The following GABRG3 variants were observed in gnomAD, a reference collection of about 807,000 sequenced individuals.
The protein encoded by GABRG3 is gamma-aminobutyric acid type A receptor subunit gamma3, also known as gamma-aminobutyric acid receptor subunit gamma-3.
A neutral mutation model predicts 48.8 loss-of-function variants in GABRG3; 25 were observed. That is an observed-to-expected ratio of 0.51 (90% CI 0.37 to 0.72). The LOEUF (loss-of-function observed/expected upper bound fraction) is 0.72. GABRG3 is among the 30% of genes least tolerant of loss of function. GABRG3 has a pLI of 0.00. For synonymous variants in GABRG3, 227 were observed against 217.6 expected (o/e 1.04, Z -0.38); for missense variants, 394 against 577.9 (o/e 0.68, Z 3.26).
intron 3 of GABRG3, among the ~76,000 whole-genome samples, chr15:27,293,862 A>T (rs1891885722): frequency 6.6e-6 from 1 of 152,226 alleles, no homozygotes; most frequent in Non-Finnish European, 1.5e-5. Context: ...AGTGATCTAA[A>T]CAGACAGGAA....
intron 3 of GABRG3, among the ~76,000 whole-genome samples, chr15:27,084,499 G>A (rs1462236371): frequency 6.6e-6 from 1 of 152,186 alleles, no homozygotes; most frequent in Non-Finnish European, 1.5e-5. Context: ...AGACAAATAA[G>A]CAAACACTGA....
chr15:27,519,560 G>C (rs937589766), intron 6 of GABRG3, among the ~76,000 whole-genome samples: 1 of 152,174 alleles, frequency 6.6e-6, no homozygotes, highest in African/African-American at 2.4e-5. Context: ...AGATATGATA[G>C]CTTTGTTGTC....
rs752744593 is a variant in GABRG3 at position 27,209,673 on chromosome 15, AG to A, written c.271-117134del. Reference sequence around the variant, plus strand: ...TCTTATACAGGGCAGCTGTCTCTGGAGGCCACCAGAGCGAGGCCACAGGAAC... The same window carrying A: ...TCTTATACAGGGCAGCTGTCTCTGGAGCCACCAGAGCGAGGCCACAGGAAC... On this transcript the variant is annotated intron_variant, in intron 3 of 9. Transcript: ENST00000615808. Among the ~76,000 whole-genome samples, 140 of 152,276 alleles carry A rather than the reference AG, an allele frequency of 9.2e-4. 1 individual carries two copies. Among genetic ancestry groups the A allele is most frequent in the Non-Finnish European group, 1.2e-3 (82 of 68,004 alleles).
At chr15:27,353,632 T>G (rs912026991) in intron 5 of GABRG3, among the ~76,000 whole-genome samples, 1 of 151,836 alleles carries the variant, frequency 6.6e-6, no homozygotes, top group Non-Finnish European at 1.5e-5. Context: ...TTATTAGAGA[T>G]AGGGTTTTGC....
At chr15:27,141,707 T>C (rs1372230155) in intron 3 of GABRG3, among the ~76,000 whole-genome samples, 2 of 152,176 alleles carry the variant, frequency 1.3e-5, no homozygotes, top group East Asian at 1.9e-4. Flanking sequence ...AAAAAATATG[T>C]CTCTCTGATC....
At chr15:27,300,694 A>C (rs1170286277) in intron 3 of GABRG3, among the ~76,000 whole-genome samples, 3 of 137,580 alleles carry the variant, frequency 2.2e-5, no homozygotes, top group Admixed American at 1.4e-4. Context: ...AAAAAAAAAA[A>C]AAACACCTGG....
intron 3 of GABRG3, among the ~76,000 whole-genome samples, chr15:27,231,533 T>G (rs561854498): frequency 6.6e-6 from 1 of 152,310 alleles, no homozygotes; most frequent in Non-Finnish European, 1.5e-5. Flanking sequence ...TGTCAATTTC[T>G]GAATGTCATT....
intron 5 of GABRG3, among the ~76,000 whole-genome samples, chr15:27,446,770 C>G (rs1052067695): frequency 1.3e-5 from 2 of 152,174 alleles, no homozygotes; most frequent in African/African-American, 4.8e-5. Context: ...ATGGATGACT[C>G]TTTTAGAGAC....
At chr15:27,382,147 A>C (rs1053002037) in intron 5 of GABRG3, among the ~76,000 whole-genome samples, 7 of 152,196 alleles carry the variant, frequency 4.6e-5, no homozygotes, top group Non-Finnish European at 8.8e-5. Context: ...TTCACTTCAA[A>C]TTTATTGAGT....
At chr15:27,521,381 A>G (rs1251867616) in intron 7 of GABRG3, among the ~76,000 whole-genome samples, 1 of 152,172 alleles carries the variant, frequency 6.6e-6, no homozygotes, top group Non-Finnish European at 1.5e-5. Context: ...ATCAAGGAGA[A>G]CCATCAGTAA....
intron 5 of GABRG3, among the ~76,000 whole-genome samples, chr15:27,460,442 G>A (rs765091107): frequency 2.0e-5 from 3 of 152,148 alleles, no homozygotes; most frequent in Non-Finnish European, 2.9e-5. Context: ...AGGGCGCCCC[G>A]CAAGGAGAAC....
chr15:27,340,941 A>G, intron 5 of GABRG3: 1 of 492,778 alleles, frequency 2.0e-6, no homozygotes, highest in Non-Finnish European at 4.0e-6. Flanking sequence ...TTTTAAGAAC[A>G]GAGATTCAAT....
chr15:27,506,643 T>G (rs1458114622), intron 6 of GABRG3, among the ~76,000 whole-genome samples: 1 of 152,214 alleles, frequency 6.6e-6, no homozygotes, highest in Admixed American at 6.5e-5. Context: ...GAGAATGCAG[T>G]AATATCATGC....
At chr15:27,510,297 G>A (rs368300555) in intron 6 of GABRG3, among the ~76,000 whole-genome samples, 1 of 149,446 alleles carries the variant, frequency 6.7e-6, no homozygotes, top group South Asian at 2.1e-4. Flanking sequence ...CTTCCCAAGT[G>A]TTCCTGTGCC....
chr15:27,380,117 A>G (rs1007758155), intron 5 of GABRG3, among the ~76,000 whole-genome samples: 2 of 151,726 alleles, frequency 1.3e-5, no homozygotes, highest in South Asian at 2.1e-4. Flanking sequence ...GAAAATTTCT[A>G]TTGACATTTC....
At chr15:27,063,920 C>T (rs1595501729) in intron 3 of GABRG3, among the ~76,000 whole-genome samples, 2 of 152,190 alleles carry the variant, frequency 1.3e-5, no homozygotes, top group African/African-American at 4.8e-5. Flanking sequence ...TGCCTCCTTT[C>T]CTGACATGGG....
chr15:27,263,666 A>G (rs1890829739), intron 3 of GABRG3, among the ~76,000 whole-genome samples: 1 of 152,200 alleles, frequency 6.6e-6, no homozygotes, highest in African/African-American at 2.4e-5. Flanking sequence ...GTATTCAGTT[A>G]TGATTTCTTA....
chr15:27,447,175 A>G lies in GABRG3; in HGVS notation c.575-33475A>G, dbSNP rs1241388702. Among the ~76,000 whole-genome samples the G allele has an allele frequency of 6.6e-6, 1 of 152,144 alleles. No homozygotes were observed. Among genetic ancestry groups the G allele is most frequent in the African/African-American group, 2.4e-5 (1 of 41,442 alleles). On this transcript the variant is annotated intron_variant, in intron 5 of 9. Transcript: ENST00000615808. This position sits in a 1 kb window ranked among gnomAD's most constrained non-coding sequence, Gnocchi z 4.0. ...ACAACTAATTCTATGTGGAGGAGTA[A>G]GGCAAGGCTTGGGAAGAAGGTTCCC...
chr15:27,497,534 A>G (rs1019365549), intron 6 of GABRG3, among the ~76,000 whole-genome samples: 4 of 152,180 alleles, frequency 2.6e-5, no homozygotes, highest in Non-Finnish European at 5.9e-5. Context: ...AATTTGCCTT[A>G]TTTTACTGAA....
Sources: allele counts gnomAD v4.1 joint callset (sites outside exome capture counted in the v4.1 genomes callset), GRCh38; gene constraint gnomAD v4.1.1; non-coding constraint Gnocchi (gnomAD v3.1); transcripts MANE v1.5; gene names NCBI Gene and HGNC (gene_info 2026-07-23, HGNC 2026-07-21).